Variants in FRMD4A observed in about 807,000 individuals in gnomAD.
The protein encoded by FRMD4A is FERM domain containing 4A, also known as FERM domain-containing protein 4A.
Under a neutral mutation model 129.1 loss-of-function variants are expected in FRMD4A, and 29 were observed. That is an observed-to-expected ratio of 0.22 (90% confidence interval 0.17 to 0.31). The LOEUF is 0.31. FRMD4A is among the 10% of genes least tolerant of loss of function. The pLI is 1.00. For synonymous variants in FRMD4A, 634 were observed against 571.6 expected (o/e 1.11, Z -1.56); for missense variants, 1,272 against 1,375.8 (o/e 0.92, Z 1.19).
intron 15 of FRMD4A, chr10:13,693,670 G>A (rs948554182): frequency 1.1e-5 from 7 of 657,570 alleles, no homozygotes; most frequent in Non-Finnish European, 1.6e-5. Flanking sequence ...CTTGCACTGC[G>A]TGGTTCTACT....
intron 8 of FRMD4A, 74 bp downstream of exon 8, chr10:13,761,573 C>T: frequency 2.0e-6 from 2 of 997,044 alleles, no homozygotes; most frequent in East Asian, 2.4e-5. Context: ...AAAAGGACAT[C>T]CTGATTAGTT....
At chr10:13,786,978 T>C (rs2092881094) in intron 5 of FRMD4A, among the ~76,000 whole-genome samples, 1 of 152,212 alleles carries the variant, frequency 6.6e-6, no homozygotes, top group Admixed American at 6.5e-5. Context: ...TAAGAAAATA[T>C]AACGCTTCCC....
chr10:14,285,503 G>GA (rs1217685032), intron 2 of FRMD4A, among the ~76,000 whole-genome samples: 1 of 152,228 alleles, frequency 6.6e-6, no homozygotes, highest in Non-Finnish European at 1.5e-5. Flanking sequence ...GAGGCATGTG[G>GA]AAAGCAAAAT....
intron 9 of FRMD4A, among the ~76,000 whole-genome samples, chr10:13,742,113 C>A (rs1261617882): frequency 6.6e-6 from 1 of 152,034 alleles, no homozygotes; most frequent in Non-Finnish European, 1.5e-5. Flanking sequence ...ACCCCTGCCT[C>A]CCAAAGTGCT....
rs548791399 is a variant in FRMD4A, at chr10:13,811,283, C to T, written c.112-375G>A. 5.4e-5 allele frequency among the ~76,000 whole-genome samples: 8 copies of T among 147,914 alleles called. No homozygotes were observed. In the East Asian group the frequency reaches 6.2e-4, roughly 11 times the overall value. On this transcript the variant is annotated intron_variant, in intron 3 of 24. Coordinates refer to ENST00000357447, the MANE Select transcript of FRMD4A (RefSeq NM_018027.5). ...CTGGGATTATAGGCATATGCCACCA[C>T]GCATGGCTTTTTTTTTTTTTTTTGG...
rs139475272 is a variant in FRMD4A, at chr10:13,993,325, C to A, written c.46-134413G>T. ...TCCATCAGAAAAGGAGCTGTGAATCCATTCAAGTTCTTGCTCAAGGACTTG... is the reference window on the plus strand; with the variant it reads ...TCCATCAGAAAAGGAGCTGTGAATCAATTCAAGTTCTTGCTCAAGGACTTG... On this transcript the variant is annotated intron_variant, in intron 2 of 24. Coordinates refer to ENST00000357447, the MANE Select transcript of FRMD4A (RefSeq NM_018027.5). Among the ~76,000 whole-genome samples, 200 of 152,284 alleles carry A rather than the reference C, an allele frequency of 1.3e-3. 7 individuals carry two copies. The East Asian group carries it at 0.035, about 27-fold the overall frequency.
intron 6 of FRMD4A, among the ~76,000 whole-genome samples, chr10:13,768,105 A>G (rs1393457673): frequency 7.8e-6 from 1 of 128,540 alleles, no homozygotes; most frequent in Non-Finnish European, 1.7e-5. Flanking sequence ...TGTGTGTGCG[A>G]ACGTGCTCTG....
chr10:13,785,934 C>G (rs1233145659), intron 5 of FRMD4A, among the ~76,000 whole-genome samples: 1 of 152,212 alleles, frequency 6.6e-6, no homozygotes, highest in Non-Finnish European at 1.5e-5. Context: ...ATCCATGTCC[C>G]TACAAAGCAC....
intron 2 of FRMD4A, among the ~76,000 whole-genome samples, chr10:14,255,666 C>T (rs937571601): frequency 2.0e-5 from 3 of 152,002 alleles, no homozygotes; most frequent in Non-Finnish European, 4.4e-5. Context: ...GTCCAGCCAC[C>T]AGAAAACAAG....
intron 2 of FRMD4A, among the ~76,000 whole-genome samples, chr10:14,093,949 C>CT (rs549111998): frequency 3.9e-4 from 60 of 152,312 alleles, no homozygotes; most frequent in African/African-American, 1.4e-3. Context: ...GAAGAAGATG[C>CT]TTTTTTAAAA....
rs11528656 is a variant in FRMD4A at position 14,210,676 on chromosome 10, G to A, written c.45+119382C>T. On this transcript the variant is annotated intron_variant, in intron 2 of 24. Coordinates refer to ENST00000357447, the MANE Select transcript of FRMD4A (RefSeq NM_018027.5). ...TCAGTCGTAAGCATCTCCAATAGCC[G>A]CACTGTATCATGTGGGCCTTGACTG... Among the ~76,000 whole-genome samples the A allele has an allele frequency of 0.015, 2,265 of 152,012 alleles. 76 individuals carry two copies. In the East Asian group the frequency reaches 0.15, roughly 10 times the overall value.
intron 3 of FRMD4A, among the ~76,000 whole-genome samples, chr10:13,824,874 G>A (rs1445828212): frequency 7.8e-6 from 1 of 127,710 alleles, no homozygotes; most frequent in Non-Finnish European, 1.6e-5. Flanking sequence ...CAGCCTAGGT[G>A]ACAGAGCAAG....
intron 2 of FRMD4A, among the ~76,000 whole-genome samples, chr10:14,272,271 GA>G (rs917868877): frequency 4.6e-5 from 7 of 152,128 alleles, no homozygotes; most frequent in Non-Finnish European, 1.0e-4. Flanking sequence ...CCCTCAGCTA[GA>G]AAGGGACACA....
intron 2 of FRMD4A, among the ~76,000 whole-genome samples, chr10:14,307,310 C>T (rs905659976): frequency 1.1e-4 from 16 of 152,274 alleles, no homozygotes; most frequent in African/African-American, 3.9e-4. Context: ...GCCCTGTTAG[C>T]CAATCAGGGA....
chr10:14,035,269 G>A (rs1170425996), intron 2 of FRMD4A, among the ~76,000 whole-genome samples: 1 of 151,910 alleles, frequency 6.6e-6, no homozygotes, highest in Non-Finnish European at 1.5e-5. Flanking sequence ...AAAATTAGCT[G>A]GGCGTGGTAG....
intron 2 of FRMD4A, among the ~76,000 whole-genome samples, chr10:13,943,155 C>T (rs1446150402): frequency 6.6e-6 from 1 of 151,976 alleles, no homozygotes; most frequent in Non-Finnish European, 1.5e-5. Flanking sequence ...GCAAGATGTC[C>T]AGGACAAGAA....
At chr10:13,989,239 G>T (rs917713144) in intron 2 of FRMD4A, among the ~76,000 whole-genome samples, 7 of 152,124 alleles carry the variant, frequency 4.6e-5, no homozygotes, top group African/African-American at 1.7e-4. Context: ...TGGTGTTTTT[G>T]ATTATGTTGC....
intron 3 of FRMD4A, among the ~76,000 whole-genome samples, chr10:13,818,506 C>T (rs2093581254): frequency 1.3e-5 from 2 of 152,150 alleles, no homozygotes; most frequent in African/African-American, 2.4e-5. Flanking sequence ...TAGCTTCTTC[C>T]TTTCCTACAA....
intron 2 of FRMD4A, among the ~76,000 whole-genome samples, chr10:14,177,421 C>A (rs904126019): frequency 1.3e-5 from 2 of 152,076 alleles, no homozygotes; most frequent in African/African-American, 4.8e-5. Flanking sequence ...TATCCACCAA[C>A]CTTGGCCTCC....
Sources: allele counts gnomAD v4.1 joint callset (sites outside exome capture counted in the v4.1 genomes callset), GRCh38; gene constraint gnomAD v4.1.1; transcripts MANE v1.5; gene names NCBI Gene and HGNC (gene_info 2026-07-23, HGNC 2026-07-21).